ZNF221: variants seen among roughly 807,000 people sequenced by gnomAD.
The protein encoded by ZNF221 is zinc finger protein 221.
Under a neutral mutation model 12.6 loss-of-function variants are expected in ZNF221, and 10 were observed. The ratio of observed to expected loss-of-function variants is 0.79; its 90% CI spans 0.49 to 1.34. The LOEUF is 1.34. ZNF221 is among the 40% of genes most tolerant of loss of function. The probability of loss-of-function intolerance (pLI) is 0.00; values close to 1 mark genes in which losing one functional copy is unlikely to be tolerated. For synonymous variants in ZNF221, 232 were observed against 244.0 expected (o/e 0.95, Z 0.46); for missense variants, 661 against 721.4 (o/e 0.92, Z 0.96).
chr19:43,974,040 G>A, the ZNF221 span, among the ~76,000 whole-genome samples: 1,568 of 152,194 alleles, frequency 0.01, 24 homozygotes, highest in Non-Finnish European at 0.013. Flanking sequence ...CATAGTACTG[G>A]AACAAAAACA....
chr19:43,966,858 T>C lies in ZNF221; in HGVS notation c.1356T>C (p.Cys452=). Residue 452 remains cysteine, a synonymous_variant, in exon 5 of 5, where the codon TGT becomes TGC. Transcript: ENST00000587682. ...RSHNGEKPYN[C]EECGKDYKRR... ...ACAATGGAGAAAAGCCATATAACTG[T>C]GAGGAGTGTGGTAAGGACTATAAAA... 2 of 1,614,156 alleles carry C rather than the reference T, an allele frequency of 1.2e-6. No homozygotes were observed. The highest frequency in any genetic ancestry group is 8.5e-7 in the Non-Finnish European group (1 of 1,180,036).
At chr19:43,955,672 C>T (rs905331598) in intron 1 of ZNF221, among the ~76,000 whole-genome samples, 2 of 152,180 alleles carry the variant, frequency 1.3e-5, no homozygotes, top group African/African-American at 4.8e-5. Flanking sequence ...TGGGTTTCTA[C>T]CACCATTCAG....
At chr19:43,978,989 TTTG>T in the ZNF221 span, among the ~76,000 whole-genome samples, 2 of 151,328 alleles carry the variant, frequency 1.3e-5, no homozygotes, top group South Asian at 4.2e-4. Context: ...CCTGGATAGA[TTTG>T]TTGTTGTTTT....
chr19:43,965,870 A>G lies in ZNF221; in HGVS notation c.368A>G (p.Gln123Arg). The G allele has an allele frequency of 6.2e-7, 1 of 1,614,030 alleles. No homozygotes were observed. Among genetic ancestry groups the G allele is most frequent in the African/African-American group, 1.3e-5 (1 of 75,066 alleles). The change falls in exon 5 of 5, where the codon CAG (glutamine) becomes CGG (arginine). Residue 123 changes from glutamine (Q) to arginine (R), a missense_variant. By Grantham distance (43) the Gln-to-Arg change is conservative (BLOSUM62 1). Coordinates refer to ENST00000587682, the MANE Select transcript of ZNF221 (RefSeq NM_001297588.2). ...GGACCACATGAAGAGTGGTCCTGTCAGCAAATATGGGAACAAATTGCAAGT... is the reference window on the plus strand; with the variant it reads ...GGACCACATGAAGAGTGGTCCTGTCGGCAAATATGGGAACAAATTGCAAGT... Reference protein sequence around the residue: ...EAGPHEEWSCQQIWEQIASDL... With the variant: ...EAGPHEEWSCRQIWEQIASDL...
downstream of ZNF221, among the ~76,000 whole-genome samples, chr19:43,972,538 T>A (rs1052748535): frequency 6.7e-6 from 1 of 150,196 alleles, no homozygotes; most frequent in East Asian, 1.9e-4. Flanking sequence ...GAGAGAAGAA[T>A]CCAACACAAT....
intron 2 of ZNF221, 137 bp from the exon 3 acceptor site, chr19:43,964,813 G>T (rs962397175): frequency 3.2e-5 from 38 of 1,175,412 alleles, no homozygotes; most frequent in Non-Finnish European, 7.3e-6. Flanking sequence ...AGAATGAGTG[G>T]GAAATCTGTA....
chr19:43,978,260 C>T, the ZNF221 span: 3 of 152,178 alleles, frequency 2.0e-5, no homozygotes, highest in Non-Finnish European at 4.4e-5. Flanking sequence ...AAGGTGGTAA[C>T]TCTCTCAAAC....
chr19:43,966,823 C>T lies in ZNF221; in HGVS notation c.1321C>T (p.Gln441Ter). ...TACAAATTCACGACGATCTTCCCAT[C>T]AGAGATCCCACAATGGAGAAAAGCC... ...FYTNSRRSSH[Q>*]RSHNGEKPYN... The change falls in exon 5 of 5, where the codon CAG (glutamine) becomes TAG (stop). Residue 441 changes from glutamine to a stop codon, truncating the protein, a stop_gained. Coordinates refer to ENST00000587682, the MANE Select transcript of ZNF221 (RefSeq NM_001297588.2). LOFTEE classifies it low-confidence loss of function (END_TRUNC). 6.2e-7 allele frequency: 1 copy of T among 1,614,178 alleles called. No homozygotes were observed.
the ZNF221 span, among the ~76,000 whole-genome samples, chr19:43,980,633 C>A: frequency 6.2e-4 from 95 of 152,286 alleles, no homozygotes; most frequent in East Asian, 7.7e-4. Flanking sequence ...AATTCATGGG[C>A]CTTTCACCTT....
the ZNF221 span, among the ~76,000 whole-genome samples, chr19:43,979,789 A>G: frequency 0.11 from 17,128 of 152,250 alleles, 1,027 homozygotes; most frequent in East Asian, 0.14. Context: ...AAGTGGTTCT[A>G]GAGGAAGAGA....
At chr19:43,960,840 A>G (rs1359169461) in intron 1 of ZNF221, among the ~76,000 whole-genome samples, 1 of 152,232 alleles carries the variant, frequency 6.6e-6, no homozygotes, top group African/African-American at 2.4e-5. Flanking sequence ...CAAAGGATGT[A>G]TGAGAAAGCC....
the ZNF221 span, among the ~76,000 whole-genome samples, chr19:43,975,540 G>A: frequency 1.6e-3 from 250 of 152,246 alleles, no homozygotes; most frequent in African/African-American, 5.9e-3. Flanking sequence ...GCCTCTTGGA[G>A]GGGTGGAGGG....
chr19:43,977,556 GTA>G, the ZNF221 span: 1 of 152,130 alleles, frequency 6.6e-6, no homozygotes, highest in Non-Finnish European at 1.5e-5. Context: ...AATAATGTGG[GTA>G]TATATAGTTG....
rs148451637 is a variant in ZNF221, at chr19:43,966,380, A to G, written c.878A>G (p.His293Arg). The change falls in exon 5 of 5, where the codon CAT (histidine) becomes CGT (arginine). Residue 293 changes from histidine to arginine, a missense_variant. Transcript: ENST00000587682. ...GAGGAATGTGGGAAAGCCTTCATTCATGATTCACAGCTTCAAGAACATCAG... is the reference window on the plus strand; with the variant it reads ...GAGGAATGTGGGAAAGCCTTCATTCGTGATTCACAGCTTCAAGAACATCAG... Reference protein sequence around the residue: ...NCEECGKAFIHDSQLQEHQRI... With the variant: ...NCEECGKAFIRDSQLQEHQRI... The G allele has an allele frequency of 4.3e-4, 692 of 1,613,980 alleles. 3 individuals are homozygous for G. The African/African-American group carries it at 7.9e-3, about 18-fold the overall frequency.
chr19:43,975,460 T>C, the ZNF221 span, among the ~76,000 whole-genome samples: 11 of 152,200 alleles, frequency 7.2e-5, no homozygotes, highest in Admixed American at 2.6e-4. Context: ...ACACTGCATG[T>C]TCTCACTTAT....
chr19:43,972,732 G>T, the ZNF221 span, among the ~76,000 whole-genome samples: 1 of 104,606 alleles, frequency 9.6e-6, no homozygotes, highest in Non-Finnish European at 1.8e-5. Context: ...GACCAATAAC[G>T]ACTTCTGAAA....
At chr19:43,968,755 T>C (rs1279288302), downstream of ZNF221, among the ~76,000 whole-genome samples, 1 of 152,190 alleles carries the variant, frequency 6.6e-6, no homozygotes, top group Non-Finnish European at 1.5e-5. Context: ...GGTGGAGTTA[T>C]GGCCCACTTG....
chr19:43,968,893 G>A (rs1975036102), downstream of ZNF221, among the ~76,000 whole-genome samples: 2 of 152,204 alleles, frequency 1.3e-5, no homozygotes, highest in Admixed American at 6.5e-5. Context: ...ATCTCCTTGT[G>A]AGCCCATGCC....
downstream of ZNF221, among the ~76,000 whole-genome samples, chr19:43,969,129 G>T (rs1975041750): frequency 6.6e-6 from 1 of 152,136 alleles, no homozygotes; most frequent in African/African-American, 2.4e-5. Context: ...CCACTGGCTT[G>T]GAATTTCAAC....
Sources: gnomAD v4.1 joint callset for allele counts (sites outside exome capture counted in the v4.1 genomes callset) on GRCh38, gnomAD v4.1.1 for gene constraint, MANE v1.5 for transcripts, NCBI Gene and HGNC (gene_info 2026-07-23, HGNC 2026-07-21) for gene names.